Variants in COL4A3 observed in about 807,000 individuals in gnomAD.
The protein encoded by COL4A3 is collagen alpha-3(IV) chain.
A neutral mutation model predicts 217.4 loss-of-function variants in COL4A3; 135 were observed. The observed-to-expected ratio is 0.62, with a 90% CI of 0.54 to 0.72. The LOEUF is 0.72. Among genes scored for constraint, COL4A3 ranks in the 30% least tolerant of loss-of-function variants. The probability of loss-of-function intolerance (pLI) is 0.00; values close to 1 mark genes in which losing one functional copy is unlikely to be tolerated. For missense variants in COL4A3, 1,868 were observed against 2,119.9 expected (o/e 0.88, Z 2.33); for synonymous variants, 690 against 736.3 (o/e 0.94, Z 1.02).
At chr2:227,232,613 CTGA>C (rs1403276294) in intron 1 of COL4A3, among the ~76,000 whole-genome samples, 1 of 152,202 alleles carries the variant, frequency 6.6e-6, no homozygotes, top group East Asian at 1.9e-4. Context: ...TTGAATTTCT[CTGA>C]TGATCAATGA....
At chr2:227,257,534 C>A in intron 17 of COL4A3, 69 bp from the exon 18 acceptor site, 2 of 1,265,160 alleles carry the variant, frequency 1.6e-6, no homozygotes, top group Non-Finnish European at 2.3e-6. Flanking sequence ...TTTAACTGTA[C>A]ATCTTGCTTT....
chr2:227,257,188 G>C (rs1413297550), intron 17 of COL4A3, among the ~76,000 whole-genome samples: 1 of 152,202 alleles, frequency 6.6e-6, no homozygotes, highest in Non-Finnish European at 1.5e-5. Flanking sequence ...CCCTTTAATA[G>C]TATCACTTCC....
At chr2:227,219,202 T>C (rs1322271039) in intron 1 of COL4A3, among the ~76,000 whole-genome samples, 2 of 152,178 alleles carry the variant, frequency 1.3e-5, no homozygotes, top group Non-Finnish European at 2.9e-5. Context: ...GGTTTCTCCA[T>C]GTTGGTCAGG....
chr2:227,186,581 C>T (rs1038321107), intron 1 of COL4A3, among the ~76,000 whole-genome samples: 2 of 152,166 alleles, frequency 1.3e-5, no homozygotes, highest in Non-Finnish European at 2.9e-5. Context: ...TCCCTTAGGC[C>T]AACCTTGGAG....
chr2:227,293,631 AG>A (rs1194527462), intron 38 of COL4A3: 1 of 462,830 alleles, frequency 2.2e-6, no homozygotes, highest in East Asian at 5.8e-5. Context: ...TAGTTTGTCC[AG>A]GCTTCCATAG....
At chr2:227,215,324 G>A (rs185536822) in intron 1 of COL4A3, among the ~76,000 whole-genome samples, 254 of 152,012 alleles carry the variant, frequency 1.7e-3, no homozygotes, top group Non-Finnish European at 2.7e-3. Context: ...CAGAATTTCT[G>A]TGCATATATA....
intron 35 of COL4A3, 77 bp from the exon 36 acceptor site, chr2:227,289,922 G>A: frequency 1.4e-6 from 2 of 1,418,958 alleles, no homozygotes; most frequent in Non-Finnish European, 9.9e-7. Flanking sequence ...ATTCATGCAT[G>A]CAAGCAACAA....
chr2:227,303,994 C>T (rs2073399539), intron 45 of COL4A3, 25 bp from the exon 46 acceptor site: 2 of 1,614,190 alleles, frequency 1.2e-6, no homozygotes, highest in Non-Finnish European at 1.7e-6. Context: ...AGGCCATCAT[C>T]TTCTTCTTAT....
intron 4 of COL4A3, 34 bp from the exon 5 acceptor site, chr2:227,244,917 T>C (rs754660431): frequency 2.5e-6 from 4 of 1,609,252 alleles, no homozygotes; most frequent in Admixed American, 3.3e-5. Context: ...AGTTTTTTTT[T>C]TTTGCCACCC....
At chr2:227,274,014 A>G (rs559985439) in intron 26 of COL4A3, among the ~76,000 whole-genome samples, 1 of 152,252 alleles carries the variant, frequency 6.6e-6, no homozygotes, top group Non-Finnish European at 1.5e-5. Flanking sequence ...AGGTGGGCAG[A>G]TCACTTGAGG....
chr2:227,236,026 G>C (rs548949638), intron 1 of COL4A3, among the ~76,000 whole-genome samples: 1 of 152,056 alleles, frequency 6.6e-6, no homozygotes, highest in East Asian at 1.9e-4. Context: ...CGCCCCCCTG[G>C]GCCTCGCAAA....
In COL4A3 at chr2:227,254,150, C is replaced by T. The variant is rs567238530; in HGVS notation, c.804C>T (p.Gly268=). 1.4e-5 allele frequency: 23 copies of T among 1,613,782 alleles called. No homozygotes were observed. Among genetic ancestry groups the T allele is most frequent in the South Asian group, 5.5e-5 (5 of 91,064 alleles). ...KGEKGDKGAM[G]EPGPPGPSGL... is the part of the protein sequence containing the mutation. ...AAAAGGGAGACAAGGGAGCAATGGGCGAGCCTGGACCTCCTGGACCCTCAG... is the reference window on the plus strand; with the variant it reads ...AAAAGGGAGACAAGGGAGCAATGGGTGAGCCTGGACCTCCTGGACCCTCAG... The change falls in exon 14 of 52, where the codon GGC becomes GGT. Residue 268 remains glycine, a synonymous_variant. Transcript: ENST00000396578.
In COL4A3 at chr2:227,279,851, G is replaced by A. The variant is rs779837475; in HGVS notation, c.2184G>A (p.Glu728=). Residue 728 remains glutamate, a synonymous_variant, in exon 29 of 52, where the codon GAG becomes GAA. Transcript: ENST00000396578. ...TGGGTTGTCCTGGAAAAATGGGAGA[G>A]CCTGGGTTACCTGGAAAGCCAGGCC... ...GSLGCPGKMG[E]PGLPGKPGLP... 1.2e-6 allele frequency: 2 copies of A among 1,609,950 alleles called. No homozygotes were observed. The highest frequency in any genetic ancestry group is 1.7e-6 in the Non-Finnish European group (2 of 1,178,302).
At chr2:227,206,322 C>G (rs1279258485) in intron 1 of COL4A3, among the ~76,000 whole-genome samples, 2 of 152,172 alleles carry the variant, frequency 1.3e-5, no homozygotes, top group African/African-American at 2.4e-5. Flanking sequence ...ATCCACCTGC[C>G]TTGGTCTCCC....
chr2:227,239,042 CTTTT>C (rs1326186982), intron 2 of COL4A3, among the ~76,000 whole-genome samples: 2 of 152,098 alleles, frequency 1.3e-5, no homozygotes, highest in Non-Finnish European at 2.9e-5. Context: ...CTGACTTGTT[CTTTT>C]TTGTTTTAAT....
At chr2:227,247,899 G>T (rs942175805) in intron 8 of COL4A3, among the ~76,000 whole-genome samples, 1 of 152,010 alleles carries the variant, frequency 6.6e-6, no homozygotes, top group African/African-American at 2.4e-5. Context: ...TGGTATCTTG[G>T]GAAATGTTTT....
At chr2:227,202,842 TATAC>T (rs1214593494) in intron 1 of COL4A3, among the ~76,000 whole-genome samples, 1 of 50,478 alleles carries the variant, frequency 2.0e-5, no homozygotes. Flanking sequence ...TATGTGTATA[TATAC>T]ATATGTGTAT....
chr2:227,254,146 T>C lies in COL4A3; in HGVS notation c.800T>C (p.Met267Thr), dbSNP rs772064733. 3.7e-6 allele frequency: 6 copies of C among 1,613,846 alleles called. No individual in the cohort carries two copies. The highest frequency in any genetic ancestry group is 2.2e-5 in the South Asian group (2 of 91,078). Residue 267 changes from methionine (M) to threonine (T), a missense_variant, in exon 14 of 52, where the codon ATG (methionine) becomes ACG (threonine). Met to Thr is a moderately conservative substitution (Grantham distance 81). Coordinates refer to ENST00000396578, the MANE Select transcript of COL4A3 (RefSeq NM_000091.5). ...LKGEKGDKGA[M>T]GEPGPPGPSG... Reference sequence around the variant, plus strand: ...GGGGAAAAGGGAGACAAGGGAGCAATGGGCGAGCCTGGACCTCCTGGACCC... The same window carrying C: ...GGGGAAAAGGGAGACAAGGGAGCAACGGGCGAGCCTGGACCTCCTGGACCC...
chr2:227,207,256 A>C (rs528224274), intron 1 of COL4A3, among the ~76,000 whole-genome samples: 1 of 152,382 alleles, frequency 6.6e-6, no homozygotes, highest in Non-Finnish European at 1.5e-5. Flanking sequence ...CAAGAAAGTT[A>C]GTAACCCCAC....
Sources: gnomAD v4.1 joint callset for allele counts (sites outside exome capture counted in the v4.1 genomes callset) on GRCh38, gnomAD v4.1.1 for gene constraint, MANE v1.5 for transcripts, NCBI Gene and HGNC (gene_info 2026-07-23, HGNC 2026-07-21) for gene names.